The following CALN1 variants were observed in gnomAD, a reference collection of about 807,000 sequenced individuals.
CALN1 encodes calcium-binding protein 8.
CALN1 carries 17 observed loss-of-function variants against 30.6 expected under a neutral mutation model. The observed-to-expected ratio is 0.56, with a 90% confidence interval of 0.38 to 0.83. The LOEUF is 0.83. Ranked by LOEUF, CALN1 falls within the 40% of genes least tolerant of loss-of-function variation. CALN1 has a pLI of 0.00. For missense variants in CALN1, 291 were observed against 354.9 expected, an observed-to-expected ratio of 0.82 and a Z score of 1.45; for synonymous variants, 156 against 131.4, an observed-to-expected ratio of 1.19 and a Z score of -1.28.
Position 71,924,019 on chromosome 7 carries a change from C to T in CALN1, c.501+99638G>A, listed in dbSNP as rs370776152. Among the ~76,000 whole-genome samples the T allele has an allele frequency of 4.6e-5, 7 of 152,022 alleles. No individual in the cohort carries two copies. In the East Asian group the frequency reaches 1.4e-3, roughly 30 times the overall value. ...ACCATCCTGGCCAACATGGTGAAACCCCGTCTGAACTAAAAATACAAAAAT... is the reference window on the plus strand; with the variant it reads ...ACCATCCTGGCCAACATGGTGAAACTCCGTCTGAACTAAAAATACAAAAAT... On this transcript the variant is annotated intron_variant, in intron 5 of 6. Coordinates refer to ENST00000395275, the MANE Select transcript of CALN1 (RefSeq NM_031468.4).
intron 3 of CALN1, among the ~76,000 whole-genome samples, chr7:72,132,918 C>A (rs1809258938): frequency 1.3e-5 from 2 of 152,086 alleles, no homozygotes; most frequent in African/African-American, 4.8e-5. Context: ...TGCCTGAGCT[C>A]CATCTCCTAT....
At chr7:71,892,986 A>C (rs1245056908) in intron 5 of CALN1, among the ~76,000 whole-genome samples, 1 of 152,112 alleles carries the variant, frequency 6.6e-6, no homozygotes. Context: ...GTAAATTACA[A>C]CTTGCAAGGC....
chr7:72,087,544 A>C (rs1216228436), intron 4 of CALN1, among the ~76,000 whole-genome samples: 1 of 152,226 alleles, frequency 6.6e-6, no homozygotes, highest in East Asian at 1.9e-4. Context: ...AACTAACTAA[A>C]AGATGTCACA....
the CALN1 span, among the ~76,000 whole-genome samples, chr7:72,477,133 C>G: frequency 6.6e-6 from 1 of 152,050 alleles, no homozygotes; most frequent in Non-Finnish European, 1.5e-5. Flanking sequence ...ACTGCATGAA[C>G]CCAGGTGGCG....
At chr7:72,123,604 C>A (rs1808542809) in intron 3 of CALN1, among the ~76,000 whole-genome samples, 2 of 152,206 alleles carry the variant, frequency 1.3e-5, no homozygotes, top group Admixed American at 6.5e-5. Context: ...AGGATTGAGA[C>A]TGGCTCACGG....
Position 71,787,427 on chromosome 7 carries a change from T to G in CALN1, c.*348A>C. The G allele has an allele frequency of 4.7e-5, 11 of 234,138 alleles. No individual in the cohort carries two copies. The highest frequency in any genetic ancestry group is 2.7e-4 in the South Asian group (4 of 14,920). The allele number at this position is 234,138 out of a possible 1,614,324, so 14.5% of individuals were successfully genotyped here. A position where few individuals can be genotyped will look rare whatever the true frequency, so the allele number is the denominator to read the frequency against. ...GTGTGTTCATGCCTCTCTCTTGCTC[T>G]CTCACCATTATACCTGGATGGCTGC... On this transcript the variant is annotated 3_prime_UTR_variant, in exon 7 of 7. Coordinates refer to ENST00000395275, the MANE Select transcript of CALN1 (RefSeq NM_031468.4).
At chr7:72,485,155 T>G in the CALN1 span, among the ~76,000 whole-genome samples, 1 of 152,212 alleles carries the variant, frequency 6.6e-6, no homozygotes, top group East Asian at 1.9e-4. Context: ...CTTGGGAGGC[T>G]GAAGACAGAA....
At chr7:71,834,348 TAAAAAAAA>T (rs60091117) in intron 5 of CALN1, among the ~76,000 whole-genome samples, 1 of 89,830 alleles carries the variant, frequency 1.1e-5, no homozygotes, top group African/African-American at 4.5e-5. Context: ...CGATCCACCC[TAAAAAAAA>T]AAAAAAAAAA....
intron 1 of CALN1, among the ~76,000 whole-genome samples, chr7:72,428,009 C>T (rs1434440347): frequency 6.6e-6 from 1 of 152,144 alleles, no homozygotes; most frequent in Non-Finnish European, 1.5e-5. Context: ...GCTCCTGCCC[C>T]ACCACGCAAA....
chr7:71,841,449 C>G (rs1329017106), intron 5 of CALN1, among the ~76,000 whole-genome samples: 1 of 152,156 alleles, frequency 6.6e-6, no homozygotes, highest in Admixed American at 6.5e-5. Context: ...ATGGAGATTT[C>G]CCAGAGAATT....
intron 5 of CALN1, among the ~76,000 whole-genome samples, chr7:71,917,972 C>T (rs183092282): frequency 4.9e-4 from 75 of 152,258 alleles, no homozygotes; most frequent in African/African-American, 1.7e-3. Context: ...TCCAGAGTCA[C>T]GACCAAATGT....
At chr7:72,104,211 C>T (rs192530052) in intron 4 of CALN1, 1 of 153,052 alleles carries the variant, frequency 6.5e-6, no homozygotes, top group African/African-American at 2.4e-5. Flanking sequence ...ACATACAACA[C>T]ATGAGCCCTC....
At chr7:71,934,842 A>C (rs995899109) in intron 5 of CALN1, among the ~76,000 whole-genome samples, 1 of 152,232 alleles carries the variant, frequency 6.6e-6, no homozygotes, top group African/African-American at 2.4e-5. Flanking sequence ...AAGGAGGAGC[A>C]AGTCACATAT....
chr7:72,418,170 A>G (rs973166262), intron 1 of CALN1, among the ~76,000 whole-genome samples: 14 of 144,490 alleles, frequency 9.7e-5, no homozygotes, highest in Admixed American at 8.5e-4. Flanking sequence ...CTTGATGTCC[A>G]CATGTACCCA....
chr7:72,227,957 A>T (rs1378543976), intron 3 of CALN1, among the ~76,000 whole-genome samples: 1 of 151,956 alleles, frequency 6.6e-6, no homozygotes, highest in African/African-American at 2.4e-5. Flanking sequence ...TCTCCAAGCA[A>T]CTTCCAGCTC....
At chr7:71,971,930 C>CAAAA (rs764756514) in intron 5 of CALN1, among the ~76,000 whole-genome samples, 109 of 38,426 alleles carry the variant, frequency 2.8e-3, no homozygotes, top group Non-Finnish European at 4.6e-3. Context: ...GACCCTGTCT[C>CAAAA]AAAAAAAAAA....
chr7:72,154,433 G>A lies in CALN1; in HGVS notation c.245-48139C>T, dbSNP rs953631917. Among the ~76,000 whole-genome samples the A allele has an allele frequency of 2.6e-5, 4 of 152,226 alleles. No individual in the cohort carries two copies. The East Asian group carries it at 5.8e-4, about 22-fold the overall frequency. ...TTGATGAAAAGTCCTCAAATATCCCGAATTAGCCTCTGAAGCTCTGGATTA... is the reference window on the plus strand; with the variant it reads ...TTGATGAAAAGTCCTCAAATATCCCAAATTAGCCTCTGAAGCTCTGGATTA... On this transcript the variant is annotated intron_variant, in intron 3 of 6. Transcript: ENST00000395275.
chr7:72,469,483 A>G, the CALN1 span, among the ~76,000 whole-genome samples: 1 of 152,028 alleles, frequency 6.6e-6, no homozygotes, highest in Admixed American at 6.6e-5. Flanking sequence ...TGCAACCTCC[A>G]CCTCCTGGGT....
the CALN1 span, among the ~76,000 whole-genome samples, chr7:72,466,278 C>T: frequency 2.0e-5 from 3 of 151,956 alleles, no homozygotes; most frequent in African/African-American, 4.8e-5. Context: ...CAGGTGTGAA[C>T]AGAAAATTAC....
Sources: gnomAD v4.1 joint callset for allele counts (sites outside exome capture counted in the v4.1 genomes callset) on GRCh38, gnomAD v4.1.1 for gene constraint, MANE v1.5 for transcripts, NCBI Gene and HGNC (gene_info 2026-07-23, HGNC 2026-07-21) for gene names.